MTBP: variants seen among roughly 807,000 people sequenced by gnomAD.
MTBP encodes the protein MDM2 binding protein.
In MTBP, 101 loss-of-function variants were observed where a neutral mutation model predicts 117.0. The observed-to-expected ratio is 0.86, with a 90% CI of 0.73 to 1.02. The LOEUF is 1.02. Among genes scored for constraint, MTBP ranks in the 50% least tolerant of loss-of-function variants. The pLI is 0.00. For missense variants in MTBP, 970 were observed against 1,030.9 expected (o/e 0.94, Z 0.81); for synonymous variants, 350 against 351.5 (o/e 1.00, Z 0.05).
chr8:120,472,318 T>C (rs1439207998), intron 11 of MTBP: 1 of 152,230 alleles, frequency 6.6e-6, no homozygotes, highest in Non-Finnish European at 1.5e-5. Flanking sequence ...ATGTAGAGTT[T>C]GAAATTTAGA....
At chr8:120,495,740 G>A (rs910194335) in intron 13 of MTBP, among the ~76,000 whole-genome samples, 19 of 151,776 alleles carry the variant, frequency 1.3e-4, no homozygotes, top group Non-Finnish European at 2.5e-4. Context: ...TAATTTTAGA[G>A]TCATTTTTTG....
intron 11 of MTBP, among the ~76,000 whole-genome samples, chr8:120,482,261 G>A (rs1042620362): frequency 6.6e-6 from 1 of 151,824 alleles, no homozygotes; most frequent in African/African-American, 2.4e-5. Flanking sequence ...CTTTGAGGCA[G>A]AAAAAAAATT....
intron 14 of MTBP, among the ~76,000 whole-genome samples, chr8:120,500,000 A>G (rs566393955): frequency 4.0e-4 from 61 of 152,356 alleles, no homozygotes; most frequent in African/African-American, 1.2e-3. Context: ...TTAATTTGCA[A>G]TATAACATTT....
intron 7 of MTBP, among the ~76,000 whole-genome samples, chr8:120,458,104 G>A (rs943018545): frequency 6.6e-6 from 1 of 152,110 alleles, no homozygotes; most frequent in Non-Finnish European, 1.5e-5. Flanking sequence ...TTATTCTCTT[G>A]AATAGGAAAT....
At position 120,490,502 on chromosome 8, in the gene MTBP, G is replaced by C. The variant is rs1349795004; in HGVS notation, c.1379G>C (p.Gly460Ala). 1 of 1,606,888 alleles carries C rather than the reference G, an allele frequency of 6.2e-7. No homozygotes were observed. Among genetic ancestry groups the C allele is most frequent in the East Asian group, 2.2e-5 (1 of 44,510 alleles). Residue 460 changes from glycine to alanine, a missense_variant, in exon 13 of 22, where the codon GGG (glycine) becomes GCG (alanine). Coordinates refer to ENST00000305949, the MANE Select transcript of MTBP (RefSeq NM_022045.5). ...FDLLSLPHFSGEQIVQREKQL... is the reference protein window; with the variant it reads ...FDLLSLPHFSAEQIVQREKQL... ...TTATTATCACTTCCACATTTTTCTG[G>C]GGAGCAGATTGTACAGAGAGAGAAA...
chr8:120,460,150 C>G (rs1813553129), intron 8 of MTBP, among the ~76,000 whole-genome samples: 1 of 152,022 alleles, frequency 6.6e-6, no homozygotes, highest in African/African-American at 2.4e-5. Context: ...GAACTCATTT[C>G]TCAATATTTG....
intron 9 of MTBP, among the ~76,000 whole-genome samples, chr8:120,463,393 A>G (rs1813621263): frequency 6.6e-6 from 1 of 152,128 alleles, no homozygotes; most frequent in South Asian, 2.1e-4. Context: ...GAAATGAAAC[A>G]CTAGCATAGT....
Position 120,518,842 on chromosome 8 carries a change from C to A in MTBP, c.2610+25C>A, listed in dbSNP as rs374763804. The A allele has an allele frequency of 9.0e-5, 133 of 1,479,990 alleles. No individual in the cohort carries two copies. In the African/African-American group the frequency reaches 1.6e-3, roughly 18 times the overall value. 91.7% of individuals were successfully genotyped at this position (1,479,990 alleles called of 1,614,324 possible). A position where few individuals can be genotyped will look rare whatever the true frequency, so the allele number is the denominator to read the frequency against. ...GGTACGGTATCTTCTCTACTAATGG[C>A]AAAATTTAGTTCATGTTCTAATGTT... On this transcript the variant is annotated intron_variant, in intron 20 of 21. Transcript: ENST00000305949.
chr8:120,519,788 A>G (rs1157895309), intron 20 of MTBP, among the ~76,000 whole-genome samples: 6 of 152,128 alleles, frequency 3.9e-5, no homozygotes, highest in African/African-American at 1.4e-4. Context: ...CATGGAAAGC[A>G]GGGGCGAGGG....
intron 17 of MTBP, among the ~76,000 whole-genome samples, chr8:120,510,790 G>A (rs1814788056): frequency 6.6e-6 from 1 of 151,920 alleles, no homozygotes; most frequent in Non-Finnish European, 1.5e-5. Flanking sequence ...TGTGCCTGTA[G>A]TCCTAGCTAC....
chr8:120,513,847 AC>A (rs1370333007), intron 17 of MTBP, among the ~76,000 whole-genome samples: 5 of 151,848 alleles, frequency 3.3e-5, no homozygotes, highest in Admixed American at 3.3e-4. Context: ...CTCATCAGTA[AC>A]CCTTAGGGTT....
chr8:120,476,503 A>G (rs889143137), intron 11 of MTBP, among the ~76,000 whole-genome samples: 5 of 152,078 alleles, frequency 3.3e-5, no homozygotes, highest in Non-Finnish European at 7.4e-5. Flanking sequence ...ATATTTAGAA[A>G]ACTCCATCGT....
intron 14 of MTBP, 89 bp from the exon 15 acceptor site, chr8:120,502,403 G>T (rs1376019558): frequency 2.1e-5 from 17 of 806,048 alleles, no homozygotes; most frequent in Non-Finnish European, 3.3e-5. Context: ...ACACACACAC[G>T]TATGTATGTG....
Position 120,497,268 on chromosome 8 carries a change from A to G in MTBP, c.1448-125A>G. 10 of 827,438 alleles carry G rather than the reference A, an allele frequency of 1.2e-5. No homozygotes were observed. In the South Asian group the frequency reaches 1.8e-4, roughly 15 times the overall value. The allele number at this position is 827,438 out of a possible 1,614,324, so 51.3% of individuals were successfully genotyped here. ...AGTGAAAGAAGGCCTACAATCCTGA[A>G]AACAGGAATGTTGATTTACTAGAGA... On this transcript the variant is annotated intron_variant, in intron 13 of 21. Coordinates refer to ENST00000305949, the MANE Select transcript of MTBP (RefSeq NM_022045.5).
chr8:120,519,300 G>A (rs1040141445), intron 20 of MTBP, among the ~76,000 whole-genome samples: 1 of 151,900 alleles, frequency 6.6e-6, no homozygotes, highest in Non-Finnish European at 1.5e-5. Context: ...TAAGGGACTC[G>A]ACTGTCAGTG....
intron 13 of MTBP, among the ~76,000 whole-genome samples, chr8:120,493,710 C>T (rs1194100300): frequency 2.6e-5 from 4 of 152,012 alleles, no homozygotes; most frequent in African/African-American, 7.3e-5. Flanking sequence ...AGGCTGGTCT[C>T]GAACTCTGGA....
chr8:120,498,339 C>T (rs1440752029), intron 14 of MTBP, among the ~76,000 whole-genome samples: 1 of 152,186 alleles, frequency 6.6e-6, no homozygotes, highest in Non-Finnish European at 1.5e-5. Context: ...TCATTATCAT[C>T]ACCATCGCAT....
chr8:120,516,151 C>T lies in MTBP; in HGVS notation c.2206C>T (p.Arg736Trp), dbSNP rs149206753. The T allele has an allele frequency of 4.4e-4, 708 of 1,612,034 alleles. 1 individual carries two copies. The highest frequency in any genetic ancestry group is 5.4e-4 in the Non-Finnish European group (632 of 1,178,726). Residue 736 changes from arginine (R) to tryptophan (W), a missense_variant, in exon 18 of 22, where the codon CGG (arginine) becomes TGG (tryptophan). Transcript: ENST00000305949. ...TCGAACTGAAGTATCCCGATTGAAA[C>T]GGAGATCTAAAGATCTGAATTGCCT... is the stretch of plus-strand genomic sequence containing the variant. ...ELRTEVSRLKRRSKDLNCLYP... is the reference protein window; with the variant it reads ...ELRTEVSRLKWRSKDLNCLYP...
chr8:120,518,848 T>G (rs771495945), intron 20 of MTBP, 31 bp downstream of exon 20: 15 of 1,435,628 alleles, frequency 1.0e-5, no homozygotes, highest in Non-Finnish European at 1.4e-5. Flanking sequence ...ATGGCAAAAT[T>G]TAGTTCATGT....
Sources: allele counts gnomAD v4.1 joint callset (sites outside exome capture counted in the v4.1 genomes callset), GRCh38; gene constraint gnomAD v4.1.1; transcripts MANE v1.5; gene names NCBI Gene and HGNC (gene_info 2026-07-23, HGNC 2026-07-21).